The following SUSD4 variants were observed in gnomAD, a reference collection of about 807,000 sequenced individuals.
The protein encoded by SUSD4 is sushi domain containing 4, also known as sushi domain-containing protein 4.
SUSD4 carries 41 observed loss-of-function variants against 50.5 expected under a neutral mutation model. That is an observed-to-expected ratio of 0.81 (90% CI 0.63 to 1.05). The LOEUF (loss-of-function observed/expected upper bound fraction) is 1.05. SUSD4 is among the 50% of genes least tolerant of loss of function. SUSD4 has a pLI of 0.00. For missense variants in SUSD4, 580 were observed against 634.7 expected (o/e 0.91, Z 0.93); for synonymous variants, 257 against 257.3 (o/e 1.00, Z 0.01).
chr1:223,312,096 G>A (rs564741039), intron 2 of SUSD4, among the ~76,000 whole-genome samples: 2 of 152,208 alleles, frequency 1.3e-5, no homozygotes, highest in South Asian at 2.1e-4. Flanking sequence ...GTTCATGAAT[G>A]GTTCTCAAAA....
In SUSD4 at chr1:223,221,033, T is replaced by C; in HGVS notation, c.*1159A>G. The C allele has an allele frequency of 2.5e-6, 1 of 400,860 alleles. No homozygotes were observed. Among genetic ancestry groups the C allele is most frequent in the Non-Finnish European group, 4.4e-6 (1 of 226,250 alleles). 24.8% of individuals were successfully genotyped at this position (400,860 alleles called of 1,614,324 possible). ...CTTCAGGACACTTTGGGAAATTTTTTAATCAATCAGTTTCTTAGGAACAAC... is the reference window on the plus strand; with the variant it reads ...CTTCAGGACACTTTGGGAAATTTTTCAATCAATCAGTTTCTTAGGAACAAC... On this transcript the variant is annotated 3_prime_UTR_variant, in exon 9 of 9. Coordinates refer to ENST00000366878, the MANE Select transcript of SUSD4 (RefSeq NM_017982.4).
In SUSD4 at chr1:223,227,741, G is replaced by T. The variant is rs965927617; in HGVS notation, c.917-3C>A. ...ATGGGTGCTGGGCCACGTTTGCTCTGCATGAGGGAGAACAAAGCTGTACGT... is the reference window on the plus strand; with the variant it reads ...ATGGGTGCTGGGCCACGTTTGCTCTTCATGAGGGAGAACAAAGCTGTACGT... On this transcript the variant is annotated splice_polypyrimidine_tract_variant and splice_region_variant and intron_variant, in intron 6 of 8. Coordinates refer to ENST00000366878, the MANE Select transcript of SUSD4 (RefSeq NM_017982.4). The surrounding 1 kb of genome is among the most constrained non-coding windows in gnomAD (Gnocchi z 4.5). 3.7e-6 allele frequency: 6 copies of T among 1,608,934 alleles called. No individual in the cohort carries two copies. The highest frequency in any genetic ancestry group is 5.1e-6 in the Non-Finnish European group (6 of 1,177,174).
At chr1:223,290,107 C>A (rs957652029) in intron 3 of SUSD4, among the ~76,000 whole-genome samples, 14 of 152,168 alleles carry the variant, frequency 9.2e-5, no homozygotes, top group African/African-American at 3.4e-4. Flanking sequence ...ATTATTGTTA[C>A]CATTATTACC....
intron 5 of SUSD4, among the ~76,000 whole-genome samples, chr1:223,247,580 C>G (rs969669578): frequency 4.6e-5 from 7 of 152,342 alleles, no homozygotes; most frequent in African/African-American, 1.7e-4. Context: ...AGATGTGAAT[C>G]TGCTTTGTGA....
chr1:223,235,184 TAA>T (rs5781303), intron 5 of SUSD4: 1 of 1,369,372 alleles, frequency 7.3e-7, no homozygotes, highest in Non-Finnish European at 9.8e-7. Flanking sequence ...CTTTTCTTTC[TAA>T]AAAAAATAAA....
intron 2 of SUSD4, among the ~76,000 whole-genome samples, chr1:223,354,792 T>G (rs1018224828): frequency 6.6e-6 from 1 of 152,188 alleles, no homozygotes; most frequent in Non-Finnish European, 1.5e-5. Flanking sequence ...TCCTATTGTT[T>G]CTTGCCTGGA....
chr1:223,263,820 T>TA (rs1662290764), intron 5 of SUSD4: 2 of 985,362 alleles, frequency 2.0e-6, no homozygotes, highest in African/African-American at 3.5e-5. Context: ...ATTGTTTTGC[T>TA]TTGTTTCCCA....
At chr1:223,270,914 T>C (rs950635928) in intron 3 of SUSD4, among the ~76,000 whole-genome samples, 4 of 152,160 alleles carry the variant, frequency 2.6e-5, no homozygotes, top group East Asian at 3.9e-4. Flanking sequence ...CCTGCTAGCA[T>C]AGTTGAGTTC....
In SUSD4 at chr1:223,322,358, C is replaced by A. The variant is rs141711748; in HGVS notation, c.149-29707G>T. 5.9e-5 allele frequency among the ~76,000 whole-genome samples: 9 copies of A among 152,266 alleles called. No individual in the cohort carries two copies. The East Asian group carries it at 1.7e-3, about 29-fold the overall frequency. ...AGACCTCTTGAATTCTGTTGAGAAC[C>A]TTGAGGCAGACTGTGAGTTTCTAAG... On this transcript the variant is annotated intron_variant, in intron 2 of 8. Transcript: ENST00000366878.
At chr1:223,358,922 CT>C (rs1421825983) in intron 2 of SUSD4, 2 of 303,356 alleles carry the variant, frequency 6.6e-6, no homozygotes, top group Non-Finnish European at 1.4e-5. Flanking sequence ...GAAAATGTTT[CT>C]CAATAAAACT....
Position 223,227,890 on chromosome 1 carries a change from CCT to C in SUSD4, c.917-154_917-153del, listed in dbSNP as rs1659626277. On this transcript the variant is annotated intron_variant, in intron 6 of 8. Coordinates refer to ENST00000366878, the MANE Select transcript of SUSD4 (RefSeq NM_017982.4). This position sits in a 1 kb window ranked among gnomAD's most constrained non-coding sequence, Gnocchi z 4.5. Reference sequence around the variant, plus strand: ...GGGCTCGGCAGAGATACCATGTGCCCCTGTAGCTCATGTAAATTGCATCAGGA... The same window carrying C: ...GGGCTCGGCAGAGATACCATGTGCCCGTAGCTCATGTAAATTGCATCAGGA... 3.1e-6 allele frequency: 3 copies of C among 977,092 alleles called. No homozygotes were observed. The highest frequency in any genetic ancestry group is 3.0e-6 in the Non-Finnish European group (2 of 677,604). The allele number at this position is 977,092 out of a possible 1,614,324, so 60.5% of individuals were successfully genotyped here.
intron 2 of SUSD4, among the ~76,000 whole-genome samples, chr1:223,314,730 C>G (rs1666079605): frequency 6.6e-6 from 1 of 152,184 alleles, no homozygotes; most frequent in Non-Finnish European, 1.5e-5. Context: ...CTCTTGTCTA[C>G]CACCATGTGA....
chr1:223,265,333 A>C (rs1011979176), intron 4 of SUSD4, among the ~76,000 whole-genome samples: 2 of 152,216 alleles, frequency 1.3e-5, no homozygotes, highest in African/African-American at 4.8e-5. Context: ...TCTGCCTGAG[A>C]TGGTGGCCTT....
chr1:223,322,704 C>T (rs909365996), intron 2 of SUSD4, among the ~76,000 whole-genome samples: 4 of 151,940 alleles, frequency 2.6e-5, no homozygotes, highest in African/African-American at 9.7e-5. Flanking sequence ...GCATGCGAGG[C>T]GGGGAGCAGA....
intron 5 of SUSD4, among the ~76,000 whole-genome samples, chr1:223,232,526 G>A (rs1427689325): frequency 6.6e-6 from 1 of 152,214 alleles, no homozygotes; most frequent in Non-Finnish European, 1.5e-5. Context: ...TCTTTTCAAA[G>A]CACAGAAAAT....
chr1:223,339,201 A>G (rs1558264070), intron 2 of SUSD4, among the ~76,000 whole-genome samples: 1 of 152,226 alleles, frequency 6.6e-6, no homozygotes, highest in African/African-American at 2.4e-5. Context: ...CATTGTGCAC[A>G]TGAGTTTGGT....
intron 2 of SUSD4, among the ~76,000 whole-genome samples, chr1:223,316,859 C>A (rs980789884): frequency 2.6e-5 from 4 of 152,136 alleles, no homozygotes; most frequent in African/African-American, 9.7e-5. Flanking sequence ...ACTGTAGGAT[C>A]TGGTTGGCCA....
intron 2 of SUSD4, among the ~76,000 whole-genome samples, chr1:223,311,479 C>CA (rs1665869748): frequency 6.6e-6 from 1 of 152,206 alleles, no homozygotes; most frequent in Non-Finnish European, 1.5e-5. Flanking sequence ...ATGACAATCA[C>CA]AGTCACTAAA....
At chr1:223,363,935 T>C (rs1332771056) in intron 1 of SUSD4, 122 bp downstream of exon 1, 1 of 149,352 alleles carries the variant, frequency 6.7e-6, no homozygotes, top group African/African-American at 2.5e-5. Context: ...GAGATTTCTC[T>C]GCGCTGTCAA....
Sources: gnomAD v4.1 joint callset for allele counts (sites outside exome capture counted in the v4.1 genomes callset) on GRCh38, gnomAD v4.1.1 for gene constraint, Gnocchi (gnomAD v3.1) non-coding constraint, MANE v1.5 for transcripts, NCBI Gene and HGNC (gene_info 2026-07-23, HGNC 2026-07-21) for gene names.